Variants in PIP4K2B observed in about 807,000 individuals in gnomAD.
PIP4K2B encodes the protein phosphatidylinositol 5-phosphate 4-kinase type-2 beta.
Under a neutral mutation model 42.0 loss-of-function variants are expected in PIP4K2B, and 3 were observed. The observed-to-expected ratio is 0.07, with a 90% CI of 0.03 to 0.18. The LOEUF is 0.18. Among genes scored for constraint, PIP4K2B ranks in the 10% least tolerant of loss-of-function variants. PIP4K2B has a pLI of 1.00. For missense variants in PIP4K2B, 332 were observed against 562.3 expected (o/e 0.59, Z 4.14); for synonymous variants, 204 against 210.1 (o/e 0.97, Z 0.25).
intron 7 of PIP4K2B, among the ~76,000 whole-genome samples, chr17:38,774,197 C>T (rs1346501649): frequency 6.6e-6 from 1 of 152,202 alleles, no homozygotes; most frequent in Non-Finnish European, 1.5e-5. Context: ...AAGCATTATT[C>T]TGGGTGTGTC....
At chr17:38,788,667 G>T (rs1910173862) in intron 1 of PIP4K2B, among the ~76,000 whole-genome samples, 1 of 151,204 alleles carries the variant, frequency 6.6e-6, no homozygotes, top group Non-Finnish European at 1.5e-5. Flanking sequence ...TACCACCCTG[G>T]GCAACACAGC....
In PIP4K2B at chr17:38,776,701, A is replaced by T. The variant is rs563540418; in HGVS notation, c.807+986T>A. On this transcript the variant is annotated intron_variant, in intron 7 of 9. Coordinates refer to ENST00000619039, the MANE Select transcript of PIP4K2B (RefSeq NM_003559.5). ...ATGTATTTTACCACAATTAAAAAAA[A>T]TTTTTTTTCCCAAGTTTGTTTGTAG... 1.8e-3 allele frequency: 696 copies of T among 391,936 alleles called. 5 individuals are homozygous for T. The highest frequency in any genetic ancestry group is 8.0e-3 in the South Asian group (424 of 53,132). 24.3% of individuals were successfully genotyped at this position (391,936 alleles called of 1,614,324 possible).
chr17:38,775,898 CAT>C (rs941964658), intron 7 of PIP4K2B: 9 of 353,454 alleles, frequency 2.5e-5, no homozygotes, highest in African/African-American at 1.3e-4. Flanking sequence ...AATTCTGACA[CAT>C]GATACAGTAT....
chr17:38,776,001 G>A, intron 7 of PIP4K2B: 1 of 428,280 alleles, frequency 2.3e-6, no homozygotes, highest in Non-Finnish European at 4.6e-6. Flanking sequence ...TTTATTTTTT[G>A]AGATGGAGTT....
rs1343701807 is a variant in PIP4K2B, at chr17:38,769,474, G to A, written c.*217C>T. On this transcript the variant is annotated 3_prime_UTR_variant, in exon 10 of 10. Transcript: ENST00000619039. Reference sequence around the variant, plus strand: ...AAAAAATCAAGGGTAAGCAGAAGGTGGGGTTACATCCTGTGAGCAGGTGCA... The same window carrying A: ...AAAAAATCAAGGGTAAGCAGAAGGTAGGGTTACATCCTGTGAGCAGGTGCA... The A allele has an allele frequency of 1.9e-6, 1 of 537,790 alleles. No individual in the cohort carries two copies. The highest frequency in any genetic ancestry group is 3.2e-5 in the Admixed American group (1 of 31,662). 33.3% of individuals were successfully genotyped at this position (537,790 alleles called of 1,614,324 possible).
In PIP4K2B at chr17:38,773,463, G is replaced by A. The variant is rs138501029; in HGVS notation, c.808-2191C>T. On this transcript the variant is annotated intron_variant, in intron 7 of 9. Transcript: ENST00000619039. ...TAATGGGTGCTGTGAGCAGGGTGGT[G>A]GTTCAAGTCTTTTATCTAGGATTTC... 3.3e-5 allele frequency among the ~76,000 whole-genome samples: 5 copies of A among 152,212 alleles called. No individual in the cohort carries two copies. The East Asian group carries it at 7.7e-4, about 23-fold the overall frequency.
At chr17:38,771,628 G>A (rs530625618) in intron 7 of PIP4K2B, among the ~76,000 whole-genome samples, 4 of 151,798 alleles carry the variant, frequency 2.6e-5, no homozygotes, top group Non-Finnish European at 5.9e-5. Context: ...CTGAAGAAAG[G>A]AGTTGAGGCC....
At chr17:38,770,963 G>T (rs771591139) in intron 8 of PIP4K2B, 51 bp downstream of exon 8, 10 of 1,602,314 alleles carry the variant, frequency 6.2e-6, no homozygotes, top group South Asian at 1.1e-5. Context: ...ATGAGCTGAG[G>T]GGGTAGGATG....
intron 3 of PIP4K2B, among the ~76,000 whole-genome samples, chr17:38,783,886 C>A (rs1051977304): frequency 1.4e-4 from 22 of 152,202 alleles, no homozygotes; most frequent in African/African-American, 5.3e-4. Flanking sequence ...CAGGCATAAG[C>A]CACCATGCCC....
rs374349355 is a variant in PIP4K2B, at chr17:38,769,649, C to T, written c.*42G>A. On this transcript the variant is annotated 3_prime_UTR_variant, in exon 10 of 10. Transcript: ENST00000619039. The stretch of plus-strand genomic sequence containing the variant: ...TTCTCCCTAACTCCCGATCCCCGAC[C>T]CCATATCCAGCTCTCTGGCTCTGGC... 3.4e-6 allele frequency: 4 copies of T among 1,176,546 alleles called. No homozygotes were observed. The highest frequency in any genetic ancestry group is 1.5e-5 in the African/African-American group (1 of 66,596). 72.9% of individuals were successfully genotyped at this position (1,176,546 alleles called of 1,614,324 possible).
At position 38,786,901 on chromosome 17, in the gene PIP4K2B, A is replaced by T. The variant is rs2143437937; in HGVS notation, c.179T>A (p.Val60Asp). The change falls in exon 2 of 10, where the codon GTT (valine) becomes GAT (aspartate). Residue 60 changes from valine (V) to aspartate (D), a missense_variant. Coordinates refer to ENST00000619039, the MANE Select transcript of PIP4K2B (RefSeq NM_003559.5). Reference sequence around the variant, plus strand: ...TGGCATTAGCATGACAGGAACAGGAACATTGCTCAGCTCATTGATCTGAAA... The same window carrying T: ...TGGCATTAGCATGACAGGAACAGGATCATTGCTCAGCTCATTGATCTGAAA... Reference protein sequence around the residue: ...VNHTINELSNVPVPVMLMPDD... With the variant: ...VNHTINELSNDPVPVMLMPDD... 1 of 1,612,946 alleles carries T rather than the reference A, an allele frequency of 6.2e-7. No individual in the cohort carries two copies. The highest frequency in any genetic ancestry group is 8.5e-7 in the Non-Finnish European group (1 of 1,178,906).
intron 3 of PIP4K2B, 65 bp from the exon 4 acceptor site, chr17:38,780,669 C>T (rs960210916): frequency 6.5e-7 from 1 of 1,533,238 alleles, no homozygotes; most frequent in Non-Finnish European, 8.9e-7. Flanking sequence ...TTCGCTGAGT[C>T]TTCCCTCAGG....
chr17:38,773,091 G>C (rs1909136592), intron 7 of PIP4K2B, among the ~76,000 whole-genome samples: 1 of 152,110 alleles, frequency 6.6e-6, no homozygotes, highest in African/African-American at 2.4e-5. Flanking sequence ...CTGATAAGGG[G>C]GGACTACTGT....
Position 38,787,042 on chromosome 17 carries a change from TTTTG to T in PIP4K2B, c.160-126_160-123del, listed in dbSNP as rs1294706330. On this transcript the variant is annotated intron_variant, in intron 1 of 9. Transcript: ENST00000619039. ...TGTCCAAGTTTCCCTCTCTGTCTTT[TTTTG>T]TTTTTTTGAGACAGGGTCTCATTCT... The T allele has an allele frequency of 9.0e-5, 66 of 735,628 alleles. No homozygotes were observed. In the East Asian group the frequency reaches 1.4e-3, roughly 15 times the overall value. The allele number at this position is 735,628 out of a possible 1,614,324, so 45.6% of individuals were successfully genotyped here.
chr17:38,780,648 G>A (rs746287267), intron 3 of PIP4K2B, 44 bp from the exon 4 acceptor site: 1 of 1,588,280 alleles, frequency 6.3e-7, no homozygotes, highest in Non-Finnish European at 8.6e-7. Flanking sequence ...CAGGGGAACA[G>A]AATTCTGACT....
chr17:38,779,280 C>T, intron 5 of PIP4K2B, 103 bp downstream of exon 5: 2 of 1,195,660 alleles, frequency 1.7e-6, no homozygotes, highest in Non-Finnish European at 2.4e-6. Context: ...TCCATGCCAA[C>T]ACATAGGCTC....
intron 3 of PIP4K2B, among the ~76,000 whole-genome samples, chr17:38,783,261 T>TCG (rs1329862241): frequency 6.8e-6 from 1 of 147,482 alleles, no homozygotes; most frequent in African/African-American, 2.5e-5. Flanking sequence ...AGTGGAAAAT[T>TCG]CGCCCACCTT....
chr17:38,790,457 G>C (rs1204698901), intron 1 of PIP4K2B, among the ~76,000 whole-genome samples: 4 of 152,146 alleles, frequency 2.6e-5, no homozygotes, highest in Middle Eastern at 3.2e-3. Context: ...GAGGCCTAAG[G>C]GGACGGATCA....
intron 1 of PIP4K2B, among the ~76,000 whole-genome samples, chr17:38,793,486 C>T (rs904861680): frequency 6.6e-6 from 1 of 152,108 alleles, no homozygotes; most frequent in East Asian, 1.9e-4. Flanking sequence ...TCAGGTGATC[C>T]GCCCACCTTG....
Sources: allele counts gnomAD v4.1 joint callset (sites outside exome capture counted in the v4.1 genomes callset), GRCh38; gene constraint gnomAD v4.1.1; transcripts MANE v1.5; gene names NCBI Gene and HGNC (gene_info 2026-07-23, HGNC 2026-07-21).